The following MSRB3 variants were observed in gnomAD, a reference collection of about 807,000 sequenced individuals.
The protein encoded by MSRB3 is methionine-R-sulfoxide reductase B3.
A neutral mutation model predicts 21.0 loss-of-function variants in MSRB3; 13 were observed. The observed-to-expected ratio is 0.62, with a 90% CI of 0.40 to 0.98. The LOEUF (loss-of-function observed/expected upper bound fraction) is 0.98. Among genes scored for constraint, MSRB3 ranks in the 50% least tolerant of loss-of-function variants. The probability of loss-of-function intolerance (pLI) is 0.00; values close to 1 mark genes in which losing one functional copy is unlikely to be tolerated. For missense variants in MSRB3, 199 were observed against 230.3 expected, an observed-to-expected ratio of 0.86 and a Z score of 0.88; for synonymous variants, 87 against 88.6, an observed-to-expected ratio of 0.98 and a Z score of 0.10.
At chr12:65,450,988 A>C (rs756813394) in intron 5 of MSRB3, among the ~76,000 whole-genome samples, 1 of 152,110 alleles carries the variant, frequency 6.6e-6, no homozygotes, top group Non-Finnish European at 1.5e-5. Context: ...TTTCTGATGT[A>C]CTCTTTGTAT....
At chr12:65,370,752 T>C (rs766070204) in intron 5 of MSRB3, among the ~76,000 whole-genome samples, 4 of 152,158 alleles carry the variant, frequency 2.6e-5, no homozygotes, top group Non-Finnish European at 5.9e-5. Context: ...TTCAAGTTCT[T>C]ATTTAAAAAA....
At chr12:65,441,679 T>C (rs1482161711) in intron 5 of MSRB3, among the ~76,000 whole-genome samples, 1 of 151,950 alleles carries the variant, frequency 6.6e-6, no homozygotes, top group Non-Finnish European at 1.5e-5. Context: ...TTATGATATA[T>C]TAGAAAGTGA....
intron 5 of MSRB3, among the ~76,000 whole-genome samples, chr12:65,429,339 A>G: frequency 6.6e-6 from 1 of 152,150 alleles, no homozygotes; most frequent in East Asian, 1.9e-4. Flanking sequence ...CGAAAGTATG[A>G]GAATACAACC....
At chr12:65,411,529 CAT>C in intron 5 of MSRB3, among the ~76,000 whole-genome samples, 1 of 152,130 alleles carries the variant, frequency 6.6e-6, no homozygotes, top group Admixed American at 6.5e-5. Flanking sequence ...CAATAATCAC[CAT>C]ATCTTTATGA....
chr12:65,416,287 A>G (rs535941857), intron 5 of MSRB3, among the ~76,000 whole-genome samples: 6 of 152,344 alleles, frequency 3.9e-5, no homozygotes, highest in African/African-American at 1.4e-4. Flanking sequence ...TCCACTGCTC[A>G]GAACACAGGA....
intron 1 of MSRB3, among the ~76,000 whole-genome samples, chr12:65,306,133 G>C (rs1873639648): frequency 6.6e-6 from 1 of 152,088 alleles, no homozygotes; most frequent in East Asian, 1.9e-4. Flanking sequence ...TGTGTTCACG[G>C]ATCACACACA....
At chr12:65,385,428 C>T (rs987833985) in intron 5 of MSRB3, among the ~76,000 whole-genome samples, 1 of 151,958 alleles carries the variant, frequency 6.6e-6, no homozygotes, top group African/African-American at 2.4e-5. Flanking sequence ...TGATTTCTGA[C>T]AGAAATCTGA....
intron 5 of MSRB3, among the ~76,000 whole-genome samples, chr12:65,423,326 T>A (rs939123272): frequency 6.6e-6 from 1 of 152,140 alleles, no homozygotes; most frequent in Non-Finnish European, 1.5e-5. Flanking sequence ...CCTTTCCAAT[T>A]TGGGTGTATT....
chr12:65,279,010 G>C (rs1592479509), intron 1 of MSRB3, 145 bp downstream of exon 1: 1 of 1,462,228 alleles, frequency 6.8e-7, no homozygotes. Context: ...CCCTGCCTCA[G>C]CCGAGAAGGG....
intron 2 of MSRB3, chr12:65,309,132 G>T: frequency 1.1e-5 from 2 of 180,294 alleles, no homozygotes; most frequent in Non-Finnish European, 1.2e-5. Flanking sequence ...AAGAAAGAAA[G>T]TTCTACTTAA....
At chr12:65,289,084 T>C (rs1413842233) in intron 1 of MSRB3, among the ~76,000 whole-genome samples, 2 of 152,260 alleles carry the variant, frequency 1.3e-5, no homozygotes, top group African/African-American at 4.8e-5. Context: ...CATAGTCCTA[T>C]ATTTTGTGAT....
chr12:65,411,701 C>T (rs1398908143), intron 5 of MSRB3, among the ~76,000 whole-genome samples: 2 of 150,476 alleles, frequency 1.3e-5, no homozygotes, highest in African/African-American at 4.9e-5. Flanking sequence ...GCTACTCAGT[C>T]TATTAATGCA....
intron 5 of MSRB3, among the ~76,000 whole-genome samples, chr12:65,379,205 TCCATC>T (rs1348415725): frequency 2.6e-5 from 4 of 151,774 alleles, no homozygotes; most frequent in Non-Finnish European, 5.9e-5. Flanking sequence ...CATCCATCCA[TCCATC>T]CATCCATCTA....
chr12:65,327,285 G>C (rs548736827), intron 3 of MSRB3, among the ~76,000 whole-genome samples: 1 of 152,378 alleles, frequency 6.6e-6, no homozygotes, highest in East Asian at 1.9e-4. Flanking sequence ...ACTATGCCAG[G>C]ATGCTGAAAT....
chr12:65,347,633 G>A (rs1876611210), intron 4 of MSRB3, among the ~76,000 whole-genome samples: 1 of 152,310 alleles, frequency 6.6e-6, no homozygotes, highest in South Asian at 2.1e-4. Context: ...TTGAATAGGA[G>A]TGGTGAGAGA....
intron 4 of MSRB3, among the ~76,000 whole-genome samples, chr12:65,352,138 G>T (rs965582944): frequency 2.0e-5 from 3 of 152,138 alleles, no homozygotes; most frequent in African/African-American, 7.2e-5. Flanking sequence ...CTTCATCCCT[G>T]AGATGCAAGG....
chr12:65,434,581 C>T (rs1467437773), intron 5 of MSRB3, among the ~76,000 whole-genome samples: 4 of 151,772 alleles, frequency 2.6e-5, no homozygotes, highest in Non-Finnish European at 5.9e-5. Flanking sequence ...AGCGTTGGGA[C>T]TTGGAGTTGT....
intron 4 of MSRB3, among the ~76,000 whole-genome samples, chr12:65,338,900 C>T (rs1231790146): frequency 6.6e-6 from 1 of 151,928 alleles, no homozygotes; most frequent in African/African-American, 2.4e-5. Flanking sequence ...CATGGTGAAA[C>T]CCTGTCTCTA....
At chr12:65,455,615 C>T (rs1883053416) in intron 6 of MSRB3, among the ~76,000 whole-genome samples, 1 of 152,164 alleles carries the variant, frequency 6.6e-6, no homozygotes, top group Non-Finnish European at 1.5e-5. Context: ...AGAGCTGAGA[C>T]TTGAATTGGG....
Sources: gnomAD v4.1 joint callset for allele counts (sites outside exome capture counted in the v4.1 genomes callset) on GRCh38, gnomAD v4.1.1 for gene constraint, MANE v1.5 for transcripts, NCBI Gene and HGNC (gene_info 2026-07-23, HGNC 2026-07-21) for gene names.